DNAJB6: variants seen among roughly 807,000 people sequenced by gnomAD.
DNAJB6 encodes the protein dnaJ homolog subfamily B member 6.
A neutral mutation model predicts 42.7 loss-of-function variants in DNAJB6; 16 were observed. The ratio of observed to expected loss-of-function variants is 0.37; its 90% CI spans 0.25 to 0.57. The LOEUF (loss-of-function observed/expected upper bound fraction) is 0.57. Among genes scored for constraint, DNAJB6 ranks in the 20% least tolerant of loss-of-function variants. The pLI is 0.74. For missense variants in DNAJB6, 347 were observed against 416.8 expected, an observed-to-expected ratio of 0.83 and a Z score of 1.46; for synonymous variants, 170 against 163.5, an observed-to-expected ratio of 1.04 and a Z score of -0.30.
At chr7:157,399,545 G>A (rs747210106) in intron 8 of DNAJB6, among the ~76,000 whole-genome samples, 14 of 152,212 alleles carry the variant, frequency 9.2e-5, no homozygotes, top group Non-Finnish European at 2.1e-4. Flanking sequence ...AGCAGCAGTC[G>A]GCCGGGCCCT....
chr7:157,341,000 G>C (rs1261076874), intron 1 of DNAJB6, among the ~76,000 whole-genome samples: 28 of 147,534 alleles, frequency 1.9e-4, no homozygotes, highest in African/African-American at 7.0e-4. Flanking sequence ...GTGTGTGTGC[G>C]CGCGCGCAGG....
chr7:157,375,666 C>T (rs1435689267), intron 5 of DNAJB6, among the ~76,000 whole-genome samples: 2 of 152,252 alleles, frequency 1.3e-5, no homozygotes, highest in Non-Finnish European at 2.9e-5. Context: ...CCGTGTTCTT[C>T]ATTGGCTCCC....
intron 1 of DNAJB6, among the ~76,000 whole-genome samples, chr7:157,345,719 A>G (rs1202261795): frequency 2.0e-5 from 3 of 152,174 alleles, no homozygotes; most frequent in African/African-American, 4.8e-5. Flanking sequence ...TAAATTGTGT[A>G]TAATTTTAAT....
intron 1 of DNAJB6, among the ~76,000 whole-genome samples, chr7:157,338,394 C>T (rs1280258777): frequency 1.3e-5 from 2 of 151,566 alleles, no homozygotes; most frequent in Non-Finnish European, 2.9e-5. Context: ...AGTGCAGTGG[C>T]GCGATCTCCA....
intron 2 of DNAJB6, among the ~76,000 whole-genome samples, chr7:157,359,548 G>A (rs1193619734): frequency 6.6e-6 from 1 of 152,074 alleles, no homozygotes; most frequent in Non-Finnish European, 1.5e-5. Flanking sequence ...ATTACGGCCA[G>A]GCAAGTGGCT....
At chr7:157,339,662 T>G (rs1798251047) in intron 1 of DNAJB6, among the ~76,000 whole-genome samples, 1 of 146,194 alleles carries the variant, frequency 6.8e-6, no homozygotes, top group Non-Finnish European at 1.5e-5. Flanking sequence ...GGAGTTTAGC[T>G]CTTGCCCCTG....
rs143442800 is a variant in DNAJB6 at position 157,347,693 on chromosome 7, T to C, written c.-27+10549T>C. ...CCTTTCCCCCTTAATCGGCTAATAA[T>C]TAAGCCTCAATTATTAGTAAACTAA... On this transcript the variant is annotated intron_variant, in intron 1 of 9. Transcript: ENST00000262177. Among the ~76,000 whole-genome samples the C allele has an allele frequency of 4.2e-3, 646 of 152,338 alleles. 5 individuals are homozygous for C. The highest frequency in any genetic ancestry group is 0.015 in the African/African-American group (616 of 41,588).
At chr7:157,397,359 G>C (rs377115260) in intron 8 of DNAJB6, among the ~76,000 whole-genome samples, 2 of 152,224 alleles carry the variant, frequency 1.3e-5, no homozygotes, top group Non-Finnish European at 2.9e-5. Flanking sequence ...GGGAGAGGGG[G>C]TGCGGGTGAA....
Position 157,409,929 on chromosome 7 carries a change from C to T in DNAJB6, c.826C>T (p.Leu276Phe), listed in dbSNP as rs1382943197. 1.3e-6 allele frequency: 2 copies of T among 1,536,440 alleles called. No homozygotes were observed. Among genetic ancestry groups the T allele is most frequent in the Admixed American group, 2.0e-5 (1 of 51,012 alleles). The change falls in exon 9 of 10, where the codon CTC becomes TTC. Residue 276 changes from leucine to phenylalanine, a missense_variant. By Grantham distance (22) the Leu-to-Phe change is conservative. Around this residue, in one of 3 missense-constraint regions of DNAJB6, gnomAD observed 264 missense variants for 288.0 expected, o/e 0.92. Coordinates refer to ENST00000262177, the MANE Select transcript of DNAJB6 (RefSeq NM_058246.4). ...GCTGCTGAGACACGCGCCTCACTGT[C>T]TCTCTGAGGAGGAGGGCGAGCAGGA... ...ASLLRHAPHCLSEEEGEQDRP... is the reference protein window; with the variant it reads ...ASLLRHAPHCFSEEEGEQDRP...
intron 8 of DNAJB6, among the ~76,000 whole-genome samples, chr7:157,397,762 T>C (rs142476864): frequency 2.1e-4 from 32 of 152,308 alleles, no homozygotes; most frequent in African/African-American, 7.7e-4. Context: ...GCACCTGTTC[T>C]CCCTCTCGAC....
intron 5 of DNAJB6, among the ~76,000 whole-genome samples, chr7:157,372,969 T>A (rs1171464054): frequency 6.6e-6 from 1 of 152,222 alleles, no homozygotes; most frequent in Non-Finnish European, 1.5e-5. Context: ...CAGATTTCAC[T>A]GTGTTGCTTA....
At chr7:157,355,949 T>C (rs769999053) in intron 1 of DNAJB6, among the ~76,000 whole-genome samples, 23 of 152,368 alleles carry the variant, frequency 1.5e-4, no homozygotes, top group Admixed American at 1.2e-3. Flanking sequence ...CTCACCTCTG[T>C]GCTCACTGCC....
intron 8 of DNAJB6, among the ~76,000 whole-genome samples, chr7:157,390,991 C>T (rs1176367989): frequency 6.6e-6 from 1 of 152,114 alleles, no homozygotes; most frequent in Non-Finnish European, 1.5e-5. Context: ...TGCGACACAA[C>T]GCCTGGCTAA....
chr7:157,385,664 A>G, intron 8 of DNAJB6, 53 bp downstream of exon 8: 1 of 1,607,116 alleles, frequency 6.2e-7, no homozygotes, highest in South Asian at 1.1e-5. Context: ...CACGCACTTA[A>G]CAGAAATGTT....
chr7:157,366,653 GTATC>G, intron 4 of DNAJB6, 92 bp downstream of exon 4: 1 of 1,193,232 alleles, frequency 8.4e-7, no homozygotes. Context: ...AGTCGATTTT[GTATC>G]AGTAAATAGA....
At chr7:157,405,193 G>A (rs1795718464) in intron 8 of DNAJB6, among the ~76,000 whole-genome samples, 1 of 152,216 alleles carries the variant, frequency 6.6e-6, no homozygotes, top group Non-Finnish European at 1.5e-5. Context: ...GGAAAATTCT[G>A]AATCATACAA....
intron 8 of DNAJB6, among the ~76,000 whole-genome samples, chr7:157,406,675 T>G (rs7803203): frequency 0.67 from 102,276 of 152,158 alleles, 34,512 homozygotes; most frequent in Admixed American, 0.75. Context: ...CTCCAGGGCT[T>G]CTCTGAGCCC....
chr7:157,413,718 CTTTTTTTTTT>C (rs549829121), intron 9 of DNAJB6: 4 of 94,020 alleles, frequency 4.3e-5, no homozygotes, highest in South Asian at 3.3e-4. Flanking sequence ...CAATTTTGGA[CTTTTTTTTTT>C]TTTTTTTTTT....
chr7:157,375,796 T>TA (rs1800442244), intron 5 of DNAJB6, among the ~76,000 whole-genome samples: 1 of 152,260 alleles, frequency 6.6e-6, no homozygotes, highest in South Asian at 2.1e-4. Flanking sequence ...AAGTCTGTCT[T>TA]TCATGCTTGC....
Sources: gnomAD v4.1 joint callset for allele counts (sites outside exome capture counted in the v4.1 genomes callset) on GRCh38, gnomAD v4.1.1 for gene constraint, gnomAD v4.1.1 regional missense constraint, MANE v1.5 for transcripts, NCBI Gene and HGNC (gene_info 2026-07-23, HGNC 2026-07-21) for gene names.